The following THSD4 variants were observed in gnomAD, a reference collection of about 807,000 sequenced individuals.
The protein encoded by THSD4 is thrombospondin type 1 domain containing 4.
In THSD4, 69 loss-of-function variants were observed where a neutral mutation model predicts 119.0. The ratio of observed to expected loss-of-function variants is 0.58; its 90% CI spans 0.48 to 0.71. THSD4 has a LOEUF of 0.71. THSD4 is among the 30% of genes least tolerant of loss of function. The probability of loss-of-function intolerance (pLI) is 0.00; values close to 1 mark genes in which losing one functional copy is unlikely to be tolerated. For missense variants in THSD4, 1,393 were observed against 1,391.1 expected (o/e 1.00, Z -0.02); for synonymous variants, 524 against 540.4 (o/e 0.97, Z 0.42).
intron 6 of THSD4, among the ~76,000 whole-genome samples, chr15:71,300,643 A>G (rs1000109549): frequency 6.6e-6 from 1 of 152,248 alleles, no homozygotes; most frequent in Non-Finnish European, 1.5e-5. Flanking sequence ...AAGATGCTGT[A>G]GTATAAGAGT....
intron 4 of THSD4, among the ~76,000 whole-genome samples, chr15:71,232,162 G>A (rs1596281672): frequency 1.3e-5 from 2 of 152,220 alleles, no homozygotes; most frequent in Middle Eastern, 3.4e-3. Flanking sequence ...GTCGCTCTAG[G>A]TAGCCACTGG....
At chr15:71,324,613 T>C (rs1464384062) in intron 6 of THSD4, among the ~76,000 whole-genome samples, 1 of 152,224 alleles carries the variant, frequency 6.6e-6, no homozygotes, top group African/African-American at 2.4e-5. Context: ...TCCAGCTCCA[T>C]CCAAGTTGCT....
At chr15:71,401,378 T>A (rs112101444) in intron 6 of THSD4, among the ~76,000 whole-genome samples, 2,329 of 152,302 alleles carry the variant, frequency 0.015, 72 homozygotes, top group African/African-American at 0.053. Flanking sequence ...TTTCTAGATT[T>A]TTTTAAAAAT....
chr15:71,723,756 T>G (rs1595890941), intron 8 of THSD4, among the ~76,000 whole-genome samples: 1 of 152,194 alleles, frequency 6.6e-6, no homozygotes, highest in East Asian at 1.9e-4. Flanking sequence ...AAGACTGCCC[T>G]GGAGAAATTG....
At chr15:71,139,659 T>C (rs2040584271) in intron 1 of THSD4, among the ~76,000 whole-genome samples, 1 of 152,254 alleles carries the variant, frequency 6.6e-6, no homozygotes, top group African/African-American at 2.4e-5. Context: ...CTGTGGTAAC[T>C]TAAAATCTTG....
chr15:71,387,053 C>A (rs1596389644), intron 6 of THSD4, among the ~76,000 whole-genome samples: 1 of 152,136 alleles, frequency 6.6e-6, no homozygotes, highest in African/African-American at 2.4e-5. Context: ...TCTAGAGATT[C>A]CTTTGCAGCC....
rs200530266 is a variant in THSD4, at chr15:71,757,476, G to A, written c.2416-426G>A. Among the ~76,000 whole-genome samples the A allele has an allele frequency of 9.0e-4, 5 of 5,528 alleles. No individual in the cohort carries two copies. In the East Asian group the frequency reaches 0.017, roughly 19 times the overall value. The allele number at this position is 5,528 out of a possible 152,430, so 3.6% of individuals were successfully genotyped here. On this transcript the variant is annotated intron_variant, in intron 14 of 17. Coordinates refer to ENST00000261862, the MANE Select transcript of THSD4 (RefSeq NM_024817.3). ...AGGGTCTTCTCACTCTGTTGCCCAG[G>A]CTGGAGTGCAGTCGTGCAGTCATAG... is the stretch of plus-strand genomic sequence containing the variant.
intron 6 of THSD4, among the ~76,000 whole-genome samples, chr15:71,321,262 G>A (rs544360039): frequency 8.0e-4 from 117 of 145,846 alleles, no homozygotes; most frequent in African/African-American, 2.6e-3. Context: ...CAGGCCAGGC[G>A]CGGTGGCTCA....
chr15:71,128,993 G>C (rs531350128), intron 1 of THSD4, among the ~76,000 whole-genome samples: 17 of 152,296 alleles, frequency 1.1e-4, no homozygotes, highest in African/African-American at 3.9e-4. Context: ...GCTGGTGGAG[G>C]ATGGAGAAGA....
chr15:71,577,597 G>C (rs1040549444), intron 7 of THSD4, among the ~76,000 whole-genome samples: 6 of 152,086 alleles, frequency 3.9e-5, no homozygotes, highest in African/African-American at 1.4e-4. Flanking sequence ...ATGTCTCTTT[G>C]GTTTACAACC....
intron 3 of THSD4, among the ~76,000 whole-genome samples, chr15:71,184,586 A>G (rs962870300): frequency 4.6e-5 from 7 of 151,798 alleles, no homozygotes; most frequent in Non-Finnish European, 8.8e-5. Flanking sequence ...CAGCCTAGAG[A>G]CATTAAATCC....
chr15:71,218,730 A>G (rs1328859099), intron 4 of THSD4, among the ~76,000 whole-genome samples: 1 of 152,206 alleles, frequency 6.6e-6, no homozygotes, highest in Admixed American at 6.5e-5. Context: ...AAATGTCAGC[A>G]TATTTTCAGG....
intron 6 of THSD4, among the ~76,000 whole-genome samples, chr15:71,351,162 C>G (rs1343326958): frequency 1.3e-5 from 2 of 152,126 alleles, no homozygotes; most frequent in East Asian, 3.9e-4. Context: ...GCCTCTGCAG[C>G]ACAATTGAAC....
chr15:71,231,432 A>T (rs2044060606), intron 4 of THSD4, among the ~76,000 whole-genome samples: 1 of 152,020 alleles, frequency 6.6e-6, no homozygotes, highest in South Asian at 2.1e-4. Context: ...AAGCCCTTTA[A>T]CATCTGAGTG....
chr15:71,189,891 A>G (rs1252582090), intron 3 of THSD4, among the ~76,000 whole-genome samples: 1 of 152,098 alleles, frequency 6.6e-6, no homozygotes, highest in Non-Finnish European at 1.5e-5. Context: ...TGCATTCCAT[A>G]CTGCTACTCT....
chr15:71,226,590 T>A (rs1199859045), intron 4 of THSD4, among the ~76,000 whole-genome samples: 2 of 152,234 alleles, frequency 1.3e-5, no homozygotes, highest in Admixed American at 1.3e-4. Context: ...TCATCGGTAA[T>A]AACTTTGGAG....
At chr15:71,619,597 C>T (rs1009447209) in intron 7 of THSD4, among the ~76,000 whole-genome samples, 3 of 152,180 alleles carry the variant, frequency 2.0e-5, no homozygotes, top group African/African-American at 7.2e-5. Context: ...GTTTTACCCC[C>T]AGTTGGTGAT....
chr15:71,694,216 C>T (rs944878232), intron 8 of THSD4, among the ~76,000 whole-genome samples: 1 of 152,126 alleles, frequency 6.6e-6, no homozygotes, highest in African/African-American at 2.4e-5. Flanking sequence ...GTGGCTTTAT[C>T]CTTCTTGTAA....
At chr15:71,165,416 T>C (rs1442317655) in intron 3 of THSD4, 45 of 1,482,754 alleles carry the variant, frequency 3.0e-5, no homozygotes, top group Non-Finnish European at 4.2e-5. Flanking sequence ...CCTTTGCCCA[T>C]GTTTAGTTAT....
Sources: allele counts gnomAD v4.1 joint callset (sites outside exome capture counted in the v4.1 genomes callset), GRCh38; gene constraint gnomAD v4.1.1; transcripts MANE v1.5; gene names NCBI Gene and HGNC (gene_info 2026-07-23, HGNC 2026-07-21).